RPS6KC1: variants seen among roughly 807,000 people sequenced by gnomAD.
RPS6KC1 encodes inactive ribosomal protein S6 kinase delta-1.
A neutral mutation model predicts 103.8 loss-of-function variants in RPS6KC1; 54 were observed. The ratio of observed to expected loss-of-function variants is 0.52; its 90% CI spans 0.42 to 0.65. The LOEUF (loss-of-function observed/expected upper bound fraction) is 0.65. RPS6KC1 is among the 30% of genes least tolerant of loss of function. The pLI, the probability that RPS6KC1 is intolerant of heterozygous loss-of-function variation, is 0.00. For synonymous variants in RPS6KC1, 439 were observed against 438.7 expected (o/e 1.00, Z -0.01); for missense variants, 1,151 against 1,253.8 (o/e 0.92, Z 1.24).
At chr1:213,677,979 C>G in the RPS6KC1 span, among the ~76,000 whole-genome samples, 7 of 150,664 alleles carry the variant, frequency 4.6e-5, no homozygotes, top group Admixed American at 1.3e-4. Context: ...GCACTCCAGC[C>G]GGGGCGACAC....
At chr1:213,626,842 G>C in the RPS6KC1 span, among the ~76,000 whole-genome samples, 1 of 152,140 alleles carries the variant, frequency 6.6e-6, no homozygotes, top group African/African-American at 2.4e-5. Flanking sequence ...TTGTAGTATG[G>C]TTGAAGCCAG....
intron 8 of RPS6KC1, among the ~76,000 whole-genome samples, chr1:213,197,791 C>A (rs1558519747): frequency 6.6e-6 from 1 of 152,114 alleles, no homozygotes; most frequent in Non-Finnish European, 1.5e-5. Flanking sequence ...TTTCGGCTTT[C>A]ATTTGCAGGG....
chr1:213,768,121 G>A, the RPS6KC1 span, among the ~76,000 whole-genome samples: 1 of 152,168 alleles, frequency 6.6e-6, no homozygotes, highest in Non-Finnish European at 1.5e-5. Context: ...CTGTTAGGGA[G>A]TACTGGCTTT....
At chr1:213,759,224 GT>G in the RPS6KC1 span, among the ~76,000 whole-genome samples, 62 of 151,658 alleles carry the variant, frequency 4.1e-4, no homozygotes, top group Admixed American at 1.9e-3. Flanking sequence ...ATCATTAGCA[GT>G]TTTTTTTTAT....
At chr1:213,449,123 A>G in the RPS6KC1 span, among the ~76,000 whole-genome samples, 1 of 152,100 alleles carries the variant, frequency 6.6e-6, no homozygotes, top group Non-Finnish European at 1.5e-5. Context: ...TCAGGCCAGA[A>G]TTTCTGCAGG....
intron 6 of RPS6KC1, among the ~76,000 whole-genome samples, chr1:213,138,082 C>T (rs1256132703): frequency 2.0e-5 from 3 of 151,588 alleles, no homozygotes; most frequent in Non-Finnish European, 1.5e-5. Context: ...ATTTGGTGGC[C>T]ATTGTTGTCC....
chr1:213,211,890 G>T (rs2148674921), intron 8 of RPS6KC1, among the ~76,000 whole-genome samples: 1 of 152,296 alleles, frequency 6.6e-6, no homozygotes, highest in Middle Eastern at 3.4e-3. Context: ...ATTTTTAGAT[G>T]GGAAGTAGAG....
In RPS6KC1 at chr1:213,151,752, C is replaced by T. The variant is rs556154730; in HGVS notation, c.836-16106C>T. On this transcript the variant is annotated intron_variant, in intron 6 of 14. Coordinates refer to ENST00000366960, the MANE Select transcript of RPS6KC1 (RefSeq NM_012424.6). ...CTGACCCCCCCACCCATCTCCCTCCCGGACGAGGCGGCTGGCCTGGCGGGG... is the reference window on the plus strand; with the variant it reads ...CTGACCCCCCCACCCATCTCCCTCCTGGACGAGGCGGCTGGCCTGGCGGGG... 7.3e-3 allele frequency among the ~76,000 whole-genome samples: 979 copies of T among 134,706 alleles called. 39 individuals are homozygous for T. Among genetic ancestry groups the T allele is most frequent in the African/African-American group, 0.027 (910 of 33,352 alleles). 88.4% of individuals were successfully genotyped at this position (134,706 alleles called of 152,430 possible). A position where few individuals can be genotyped will look rare whatever the true frequency, so the allele number is the denominator to read the frequency against.
At chr1:213,094,461 T>C (rs540052790) in intron 3 of RPS6KC1, among the ~76,000 whole-genome samples, 1 of 152,334 alleles carries the variant, frequency 6.6e-6, no homozygotes, top group South Asian at 2.1e-4. Flanking sequence ...TTTTTTCTTT[T>C]TGATTTTTCA....
At chr1:213,389,194 T>C in the RPS6KC1 span, among the ~76,000 whole-genome samples, 2 of 151,734 alleles carry the variant, frequency 1.3e-5, no homozygotes, top group Non-Finnish European at 2.9e-5. Context: ...CATTTACAAA[T>C]GGTAATGTAC....
the RPS6KC1 span, among the ~76,000 whole-genome samples, chr1:213,837,142 C>T: frequency 2.0e-5 from 3 of 152,234 alleles, no homozygotes; most frequent in Middle Eastern, 6.8e-3. Context: ...TTTTCCCTTC[C>T]ATCTGGTAGG....
At chr1:213,341,897 A>C in the RPS6KC1 span, among the ~76,000 whole-genome samples, 1 of 152,150 alleles carries the variant, frequency 6.6e-6, no homozygotes, top group African/African-American at 2.4e-5. Context: ...TATCTACTTC[A>C]TGGGGCTGTG....
intron 6 of RPS6KC1, among the ~76,000 whole-genome samples, chr1:213,151,163 C>A (rs1300508942): frequency 7.8e-6 from 1 of 127,644 alleles, no homozygotes; most frequent in African/African-American, 3.4e-5. Context: ...GCTGGCCGGG[C>A]GGGGGGCTGA....
intron 8 of RPS6KC1, among the ~76,000 whole-genome samples, chr1:213,205,617 G>A (rs2093329019): frequency 7.3e-6 from 1 of 137,820 alleles, no homozygotes; most frequent in Non-Finnish European, 1.6e-5. Flanking sequence ...AATCAGCATA[G>A]TATTTGATTA....
the RPS6KC1 span, among the ~76,000 whole-genome samples, chr1:213,369,787 A>C: frequency 6.6e-6 from 1 of 152,252 alleles, no homozygotes; most frequent in Non-Finnish European, 1.5e-5. Flanking sequence ...GTCAGATTAG[A>C]GAATTAGCAC....
At chr1:213,771,237 G>T in the RPS6KC1 span, among the ~76,000 whole-genome samples, 6 of 152,190 alleles carry the variant, frequency 3.9e-5, no homozygotes, top group South Asian at 1.0e-3. Context: ...GTGCATTGAG[G>T]TCCCGAGTGG....
At chr1:213,603,968 T>C in the RPS6KC1 span, among the ~76,000 whole-genome samples, 9 of 152,306 alleles carry the variant, frequency 5.9e-5, no homozygotes, top group South Asian at 1.2e-3. Flanking sequence ...ACCAAACTAA[T>C]TGGGGAGATC....
the RPS6KC1 span, among the ~76,000 whole-genome samples, chr1:213,659,018 T>A: frequency 7.9e-5 from 12 of 152,076 alleles, no homozygotes; most frequent in Admixed American, 7.9e-4. Flanking sequence ...AGGCTGGAGC[T>A]CAGTGACAGG....
At chr1:213,342,992 A>C in the RPS6KC1 span, among the ~76,000 whole-genome samples, 7 of 152,150 alleles carry the variant, frequency 4.6e-5, no homozygotes, top group African/African-American at 7.2e-5. Flanking sequence ...TACAGAAACA[A>C]AAGTTAGTCA....
Sources: allele counts gnomAD v4.1 joint callset (sites outside exome capture counted in the v4.1 genomes callset), GRCh38; gene constraint gnomAD v4.1.1; transcripts MANE v1.5; gene names NCBI Gene and HGNC (gene_info 2026-07-23, HGNC 2026-07-21).